The following SLIT2 variants were observed in gnomAD, a reference collection of about 807,000 sequenced individuals.
SLIT2 encodes the protein slit homolog 2 protein.
Under a neutral mutation model 185.7 loss-of-function variants are expected in SLIT2, and 41 were observed. The observed-to-expected ratio is 0.22, with a 90% CI of 0.17 to 0.29. The LOEUF is 0.29. SLIT2 is among the 10% of genes least tolerant of loss of function. The probability of loss-of-function intolerance (pLI) is 1.00; values close to 1 mark genes in which losing one functional copy is unlikely to be tolerated. For missense variants in SLIT2, 1,571 were observed against 1,909.0 expected, an observed-to-expected ratio of 0.82 and a Z score of 3.30; for synonymous variants, 693 against 680.2, an observed-to-expected ratio of 1.02 and a Z score of -0.29.
chr4:20,338,334 T>C (rs1436578317), intron 4 of SLIT2, among the ~76,000 whole-genome samples: 1 of 152,206 alleles, frequency 6.6e-6, no homozygotes, highest in African/African-American at 2.4e-5. Context: ...GAATGACTTC[T>C]TTTTTGATGG....
chr4:20,459,713 A>C (rs776235090), intron 4 of SLIT2, among the ~76,000 whole-genome samples: 8 of 152,098 alleles, frequency 5.3e-5, no homozygotes, highest in Non-Finnish European at 1.0e-4. Flanking sequence ...CATTATGTTT[A>C]AAAGTCCTCT....
At chr4:20,529,189 T>C in intron 16 of SLIT2, 90 bp downstream of exon 16, 1 of 958,068 alleles carries the variant, frequency 1.0e-6, no homozygotes, top group South Asian at 2.5e-5. Flanking sequence ...TTTTTATTAT[T>C]AATAATTGCA....
chr4:20,452,766 A>G (rs1712613421), intron 4 of SLIT2, among the ~76,000 whole-genome samples: 1 of 152,154 alleles, frequency 6.6e-6, no homozygotes, highest in African/African-American at 2.4e-5. Flanking sequence ...CTGCCCATCA[A>G]GGTGGTGTGC....
At chr4:20,287,435 A>C (rs1456668885) in intron 4 of SLIT2, among the ~76,000 whole-genome samples, 1 of 152,122 alleles carries the variant, frequency 6.6e-6, no homozygotes, top group African/African-American at 2.4e-5. Context: ...CTGCCTGACA[A>C]CACCTCCCAT....
At chr4:20,500,531 A>G (rs533554214) in intron 9 of SLIT2, among the ~76,000 whole-genome samples, 38 of 152,294 alleles carry the variant, frequency 2.5e-4, no homozygotes, top group Middle Eastern at 6.8e-3. Flanking sequence ...CACCCTCAAT[A>G]TTTTATGCCT....
At chr4:20,271,855 A>G (rs1713649900) in intron 4 of SLIT2, among the ~76,000 whole-genome samples, 1 of 152,082 alleles carries the variant, frequency 6.6e-6, no homozygotes, top group Admixed American at 6.6e-5. Context: ...GTGGTTGAAA[A>G]TAAGATGCCA....
At chr4:20,556,304 C>T (rs1724246918) in intron 26 of SLIT2, among the ~76,000 whole-genome samples, 1 of 151,980 alleles carries the variant, frequency 6.6e-6, no homozygotes, top group African/African-American at 2.4e-5. Flanking sequence ...ACCTTCTACT[C>T]AGCACATTAT....
At chr4:20,269,004 G>T in intron 4 of SLIT2, 123 bp downstream of exon 4, 1 of 657,782 alleles carries the variant, frequency 1.5e-6, no homozygotes, top group South Asian at 1.9e-5. Context: ...TGGATTAAAA[G>T]TTTGTGTTTT....
At chr4:20,573,336 G>A in intron 29 of SLIT2, 1 of 701,266 alleles carries the variant, frequency 1.4e-6, no homozygotes, top group Non-Finnish European at 2.6e-6. Context: ...AGATTTCACT[G>A]CGGGTACACA....
At chr4:20,286,187 G>A (rs1413669292) in intron 4 of SLIT2, among the ~76,000 whole-genome samples, 2 of 152,172 alleles carry the variant, frequency 1.3e-5, no homozygotes, top group African/African-American at 2.4e-5. Context: ...ACTATACAAT[G>A]TGTAATCCTC....
At position 20,370,298 on chromosome 4, in the gene SLIT2, AT is replaced by A. The variant is rs540714825; in HGVS notation, c.396-97452del. The stretch of plus-strand genomic sequence containing the variant: ...TAGACTCAAAAATTCTGTTTTGAAA[AT>A]TGAATATTTCAATCGATTATCTTTT... On this transcript the variant is annotated intron_variant, in intron 4 of 36. Transcript: ENST00000504154. 1.4e-4 allele frequency among the ~76,000 whole-genome samples: 22 copies of A among 152,224 alleles called. No individual in the cohort carries two copies. The South Asian group carries it at 4.4e-3, about 30-fold the overall frequency.
intron 4 of SLIT2, among the ~76,000 whole-genome samples, chr4:20,355,471 G>A (rs1722241412): frequency 6.6e-6 from 1 of 152,144 alleles, no homozygotes; most frequent in Admixed American, 6.5e-5. Flanking sequence ...CTTTCCAAGA[G>A]AATATTCTCC....
chr4:20,586,704 A>G (rs1414373885), intron 29 of SLIT2, among the ~76,000 whole-genome samples: 1 of 152,228 alleles, frequency 6.6e-6, no homozygotes, highest in Non-Finnish European at 1.5e-5. Flanking sequence ...ATGTCATAAG[A>G]TAGGCATAGT....
chr4:20,316,285 T>A (rs983203854), intron 4 of SLIT2, among the ~76,000 whole-genome samples: 2 of 152,032 alleles, frequency 1.3e-5, no homozygotes, highest in African/African-American at 4.8e-5. Flanking sequence ...AGATTAAGGT[T>A]TTTTTACATA....
chr4:20,434,863 C>T (rs1729243456), intron 4 of SLIT2, among the ~76,000 whole-genome samples: 2 of 152,154 alleles, frequency 1.3e-5, no homozygotes, highest in African/African-American at 4.8e-5. Context: ...AAGCAAGGTG[C>T]ATGTCAAAGT....
chr4:20,265,026 T>G (rs547310303), intron 3 of SLIT2, among the ~76,000 whole-genome samples: 3 of 152,072 alleles, frequency 2.0e-5, no homozygotes, highest in East Asian at 1.9e-4. Flanking sequence ...TTATGTTGGC[T>G]CCCATAAATA....
At chr4:20,364,478 G>A (rs1722960814) in intron 4 of SLIT2, among the ~76,000 whole-genome samples, 1 of 152,066 alleles carries the variant, frequency 6.6e-6, no homozygotes, top group Non-Finnish European at 1.5e-5. Flanking sequence ...TTAAAAGTCA[G>A]TCAGTAACCA....
chr4:20,602,048 A>G (rs1273229463), intron 33 of SLIT2, among the ~76,000 whole-genome samples: 5 of 152,212 alleles, frequency 3.3e-5, no homozygotes, highest in Non-Finnish European at 5.9e-5. Flanking sequence ...AGGGGAAAGT[A>G]ATAATACACT....
At chr4:20,435,315 C>T (rs1729272536) in intron 4 of SLIT2, among the ~76,000 whole-genome samples, 1 of 152,318 alleles carries the variant, frequency 6.6e-6, no homozygotes, top group African/African-American at 2.4e-5. Context: ...CCCCTGCATT[C>T]AAGGCACTAT....
Sources: allele counts gnomAD v4.1 joint callset (sites outside exome capture counted in the v4.1 genomes callset), GRCh38; gene constraint gnomAD v4.1.1; transcripts MANE v1.5; gene names NCBI Gene and HGNC (gene_info 2026-07-23, HGNC 2026-07-21).